GRIP1: variants seen among roughly 807,000 people sequenced by gnomAD.
The protein encoded by GRIP1 is glutamate receptor-interacting protein 1.
A neutral mutation model predicts 129.9 loss-of-function variants in GRIP1; 45 were observed. That is an observed-to-expected ratio of 0.35 (90% CI 0.27 to 0.44). GRIP1 has a LOEUF of 0.44. Ranked by LOEUF, GRIP1 falls within the 20% of genes least tolerant of loss-of-function variation. GRIP1 has a pLI of 1.00. For synonymous variants in GRIP1, 530 were observed against 520.8 expected (o/e 1.02, Z -0.24); for missense variants, 1,196 against 1,396.8 (o/e 0.86, Z 2.29).
chr12:66,373,921 T>C (rs1020845249), intron 22 of GRIP1, among the ~76,000 whole-genome samples: 4 of 152,190 alleles, frequency 2.6e-5, no homozygotes, highest in African/African-American at 9.6e-5. Context: ...AGCCTGGGCA[T>C]GGAGCTCTAG....
chr12:66,936,417 C>A (rs1252516218), intron 1 of GRIP1, among the ~76,000 whole-genome samples: 3 of 134,128 alleles, frequency 2.2e-5, no homozygotes, highest in Admixed American at 7.7e-5. Context: ...CAGAGCAAGA[C>A]CCTGTCTCCA....
In GRIP1 at chr12:66,486,201, T is replaced by C. The variant is rs557290292; in HGVS notation, c.725-20779A>G. Among the ~76,000 whole-genome samples the C allele has an allele frequency of 4.9e-3, 749 of 152,202 alleles. 2 individuals are homozygous for C. The highest frequency in any genetic ancestry group is 7.0e-3 in the Non-Finnish European group (478 of 68,008). The stretch of plus-strand genomic sequence containing the variant: ...GGCCCTTGCCAAGGGAATAATAATA[T>C]ATGAAATAATCATGTTAGAATTTAT... On this transcript the variant is annotated intron_variant, in intron 7 of 24. Coordinates refer to ENST00000359742, the MANE Select transcript of GRIP1 (RefSeq NM_001366722.1).
At chr12:66,863,430 G>A (rs1414761136) in intron 1 of GRIP1, among the ~76,000 whole-genome samples, 1 of 152,128 alleles carries the variant, frequency 6.6e-6, no homozygotes, top group East Asian at 1.9e-4. Context: ...ATAAAGCAAG[G>A]TAAGAAGAGT....
chr12:66,480,647 T>C (rs545101442), intron 7 of GRIP1, among the ~76,000 whole-genome samples: 161 of 152,024 alleles, frequency 1.1e-3, no homozygotes, highest in Non-Finnish European at 1.7e-3. Flanking sequence ...CATCATGCTA[T>C]CTGACTTCAA....
upstream of GRIP1, among the ~76,000 whole-genome samples, chr12:66,684,143 T>G (rs967179170): frequency 5.3e-5 from 8 of 152,224 alleles, no homozygotes; most frequent in South Asian, 6.2e-4. Flanking sequence ...ACAGCTTTTA[T>G]TAGCCACTTT....
chr12:66,433,092 T>C (rs7958281), intron 13 of GRIP1, among the ~76,000 whole-genome samples: 139,624 of 151,946 alleles, frequency 0.92, 64,996 homozygotes, highest in Non-Finnish European at 1. Context: ...TCCCCCCACC[T>C]CCACTCCTAT....
chr12:66,816,389 C>T (rs953687078), intron 1 of GRIP1, among the ~76,000 whole-genome samples: 1 of 152,170 alleles, frequency 6.6e-6, no homozygotes, highest in African/African-American at 2.4e-5. Context: ...TTGCATAGAG[C>T]TTGGCCTCTG....
At chr12:66,892,271 C>A (rs11176476) in intron 1 of GRIP1, among the ~76,000 whole-genome samples, 13,279 of 152,216 alleles carry the variant, frequency 0.087, 685 homozygotes, top group Admixed American at 0.17. Context: ...GTCCCAGCCA[C>A]CATCATCTCT....
At position 66,392,828 on chromosome 12, in the gene GRIP1, A is replaced by G; in HGVS notation, c.2130-12T>C. The G allele has an allele frequency of 6.2e-7, 1 of 1,612,198 alleles. No individual in the cohort carries two copies. The highest frequency in any genetic ancestry group is 1.1e-5 in the South Asian group (1 of 91,042). ...GGATTGCGCCAGTTCTGAAAAGCCA[A>G]ATAGTAATAGGAGAGGTAGAAATAA... On this transcript the variant is annotated splice_polypyrimidine_tract_variant and intron_variant, in intron 17 of 24. Transcript: ENST00000359742.
chr12:66,994,254 T>G (rs979266229), intron 1 of GRIP1, among the ~76,000 whole-genome samples: 2 of 150,852 alleles, frequency 1.3e-5, no homozygotes, highest in Non-Finnish European at 3.0e-5. Context: ...AACAAAACAC[T>G]AGCAAAAAGA....
intron 2 of GRIP1, among the ~76,000 whole-genome samples, chr12:66,581,936 G>A (rs2063401710): frequency 6.6e-6 from 1 of 152,090 alleles, no homozygotes; most frequent in Non-Finnish European, 1.5e-5. Flanking sequence ...ACCAAAGCCA[G>A]GCAGAGACAC....
chr12:66,447,762 T>C (rs1488405522), intron 11 of GRIP1, among the ~76,000 whole-genome samples: 1 of 152,150 alleles, frequency 6.6e-6, no homozygotes, highest in Non-Finnish European at 1.5e-5. Flanking sequence ...CTGACTTCTG[T>C]CTATAGACGT....
At chr12:66,823,348 T>G (rs186564314) in intron 1 of GRIP1, among the ~76,000 whole-genome samples, 14 of 152,318 alleles carry the variant, frequency 9.2e-5, no homozygotes, top group Non-Finnish European at 1.5e-5. Context: ...TTGCTGCCTT[T>G]GTATTTGTTT....
intron 2 of GRIP1, among the ~76,000 whole-genome samples, chr12:66,549,876 T>C (rs1194288433): frequency 6.6e-6 from 1 of 150,602 alleles, no homozygotes; most frequent in Non-Finnish European, 1.5e-5. Flanking sequence ...TATCTGTATG[T>C]TTCCTATTGC....
rs185199104 is a variant in GRIP1 at position 66,504,774 on chromosome 12, A to C, written c.724+10845T>G. On this transcript the variant is annotated intron_variant, in intron 7 of 24. Coordinates refer to ENST00000359742, the MANE Select transcript of GRIP1 (RefSeq NM_001366722.1). Reference sequence around the variant, plus strand: ...TGTCCAAGAATATCCAGAGAAAGATAATAAAACATGCTGTAGTCAAATATG... The same window carrying C: ...TGTCCAAGAATATCCAGAGAAAGATCATAAAACATGCTGTAGTCAAATATG... 2.6e-5 allele frequency among the ~76,000 whole-genome samples: 4 copies of C among 152,336 alleles called. No homozygotes were observed. In the East Asian group the frequency reaches 7.7e-4, roughly 29 times the overall value.
chr12:66,379,171 T>C, intron 20 of GRIP1, 109 bp downstream of exon 20: 1 of 1,213,738 alleles, frequency 8.2e-7, no homozygotes, highest in Non-Finnish European at 1.2e-6. Flanking sequence ...ATGGTGGCTT[T>C]AAGAAGCCCA....
chr12:66,798,533 G>A (rs77365384), intron 1 of GRIP1, among the ~76,000 whole-genome samples: 2,089 of 152,244 alleles, frequency 0.014, 56 homozygotes, highest in African/African-American at 0.048. Context: ...ACATTGGAAC[G>A]ATTTAAATGA....
chr12:66,959,617 CA>C (rs1707548483), intron 1 of GRIP1, among the ~76,000 whole-genome samples: 2 of 152,066 alleles, frequency 1.3e-5, no homozygotes, highest in South Asian at 4.1e-4. Flanking sequence ...TAAAGAAAAA[CA>C]ACAACAAAAC....
rs186593347 is a variant in GRIP1, at chr12:66,569,590, C to A, written c.136+27257G>T. Among the ~76,000 whole-genome samples, 8 of 152,278 alleles carry A rather than the reference C, an allele frequency of 5.3e-5. No individual in the cohort carries two copies. The East Asian group carries it at 1.5e-3, about 29-fold the overall frequency. ...GGCAAGGAAAGTGTGACATCTGAGC[C>A]CATAGCCTGGCCCTGGGCAGGCACC... On this transcript the variant is annotated intron_variant, in intron 2 of 24. Coordinates refer to ENST00000359742, the MANE Select transcript of GRIP1 (RefSeq NM_001366722.1).
Sources: allele counts gnomAD v4.1 joint callset (sites outside exome capture counted in the v4.1 genomes callset), GRCh38; gene constraint gnomAD v4.1.1; transcripts MANE v1.5; gene names NCBI Gene and HGNC (gene_info 2026-07-23, HGNC 2026-07-21).